Variants in RIN2 observed in about 807,000 individuals in gnomAD.
RIN2 encodes the protein RAB5 interacting protein 2.
A neutral mutation model predicts 78.0 loss-of-function variants in RIN2; 36 were observed. The ratio of observed to expected loss-of-function variants is 0.46; its 90% CI spans 0.35 to 0.61. The LOEUF is 0.61. Among genes scored for constraint, RIN2 ranks in the 20% least tolerant of loss-of-function variants. RIN2 has a pLI of 0.00. For missense variants in RIN2, 1,087 were observed against 1,159.7 expected, an observed-to-expected ratio of 0.94 and a Z score of 0.91; for synonymous variants, 466 against 466.8, an observed-to-expected ratio of 1.00 and a Z score of 0.02.
chr20:19,844,764 T>C (rs1249010777), intron 2 of RIN2, among the ~76,000 whole-genome samples: 2 of 150,708 alleles, frequency 1.3e-5, no homozygotes, highest in Non-Finnish European at 2.9e-5. Flanking sequence ...CTTTAAGTTC[T>C]GGGATACATG....
intron 2 of RIN2, among the ~76,000 whole-genome samples, chr20:19,801,957 A>C (rs2035255609): frequency 6.6e-6 from 1 of 152,218 alleles, no homozygotes; most frequent in African/African-American, 2.4e-5. Context: ...TTCATAAATA[A>C]ATAACTTCAA....
At chr20:19,923,836 G>A (rs1176843646) in intron 3 of RIN2, among the ~76,000 whole-genome samples, 2 of 151,972 alleles carry the variant, frequency 1.3e-5, no homozygotes, top group African/African-American at 2.4e-5. Context: ...GTTGCTTTTT[G>A]GTAAATAGAA....
intron 9 of RIN2, among the ~76,000 whole-genome samples, chr20:19,986,528 C>A (rs916221142): frequency 1.2e-4 from 18 of 152,200 alleles, no homozygotes; most frequent in African/African-American, 3.9e-4. Context: ...TTCCACAGCC[C>A]CTTTTATACC....
At position 19,768,582 on chromosome 20, in the gene RIN2, C is replaced by T. The variant is rs1445819032; in HGVS notation, c.-163+10255C>T. Among the ~76,000 whole-genome samples, 4 of 152,134 alleles carry T rather than the reference C, an allele frequency of 2.6e-5. No individual in the cohort carries two copies. In the East Asian group the frequency reaches 5.8e-4, roughly 22 times the overall value. ...GGACTCTGAAGGCACAGGGACAGGG[C>T]GTGGCAGCATTTGCCAGAGTGGGAT... On this transcript the variant is annotated intron_variant, in intron 1 of 12. Coordinates refer to ENST00000255006, the MANE Select transcript of RIN2 (RefSeq NM_018993.4).
Position 19,975,518 on chromosome 20 carries a change from A to C in RIN2, c.1493A>C (p.Gln498Pro). Residue 498 changes from glutamine to proline, a missense_variant, in exon 9 of 13, where the codon CAG becomes CCG. By Grantham distance (76) the Gln-to-Pro change is moderately conservative. Coordinates refer to ENST00000255006, the MANE Select transcript of RIN2 (RefSeq NM_018993.4). This position sits in a 1 kb window ranked among gnomAD's most constrained non-coding sequence, Gnocchi z 4.9. ...VLPKLVKSQL[Q>P]KVSGVFSSFM... ...CCCAAGCTCGTCAAGTCCCAGCTGC[A>C]GAAGGTGAGCGGGGTGTTCAGCTCC... 1 of 1,614,040 alleles carries C rather than the reference A, an allele frequency of 6.2e-7. No individual in the cohort carries two copies.
intron 12 of RIN2, among the ~76,000 whole-genome samples, chr20:19,998,995 G>A (rs1438559113): frequency 6.6e-6 from 1 of 152,144 alleles, no homozygotes; most frequent in East Asian, 1.9e-4. Context: ...GCTCACCTTG[G>A]AGGTGCATGC....
At chr20:19,803,949 C>T (rs1426397821) in intron 2 of RIN2, among the ~76,000 whole-genome samples, 2 of 152,144 alleles carry the variant, frequency 1.3e-5, no homozygotes, top group Non-Finnish European at 2.9e-5. Context: ...ATTTTATTCT[C>T]TTTATAGCAA....
intron 2 of RIN2, among the ~76,000 whole-genome samples, chr20:19,857,175 C>T (rs1176657823): frequency 6.6e-6 from 1 of 152,088 alleles, no homozygotes; most frequent in Admixed American, 6.5e-5. Flanking sequence ...CTATTAATAG[C>T]AATGTAGATT....
chr20:19,837,991 AG>A (rs1358525518), intron 2 of RIN2, among the ~76,000 whole-genome samples: 11 of 152,194 alleles, frequency 7.2e-5, no homozygotes, highest in Non-Finnish European at 5.9e-5. Flanking sequence ...GACAAGAAAA[AG>A]AAAGTAATTT....
chr20:19,870,126 C>A (rs979747302), intron 2 of RIN2, among the ~76,000 whole-genome samples: 5 of 152,120 alleles, frequency 3.3e-5, no homozygotes, highest in African/African-American at 1.2e-4. Context: ...CTTACTGCAC[C>A]AGTATATACT....
rs529307080 is a variant in RIN2 at position 19,970,914 on chromosome 20, G to T, written c.613G>T (p.Ala205Ser). The change falls in exon 8 of 13, where the codon GCC (alanine) becomes TCC (serine). Residue 205 changes from alanine to serine, a missense_variant. By Grantham distance (99) the Ala-to-Ser change is moderately conservative (BLOSUM62 1). Around this residue, in one of 8 missense-constraint regions of RIN2, gnomAD observed 706 missense variants for 667.5 expected, o/e 1.06. Coordinates refer to ENST00000255006, the MANE Select transcript of RIN2 (RefSeq NM_018993.4). Reference sequence around the variant, plus strand: ...GTCGGAGGCTCAGCTTGAAGAACTGGCCCAGATGGGACTAAGTAAGTGTGT... The same window carrying T: ...GTCGGAGGCTCAGCTTGAAGAACTGTCCCAGATGGGACTAAGTAAGTGTGT... The part of the protein sequence containing the change: ...AKSEAQLEEL[A>S]QMGLNFWSSP... The T allele has an allele frequency of 6.2e-7, 1 of 1,612,570 alleles. No homozygotes were observed. Among genetic ancestry groups the T allele is most frequent in the South Asian group, 1.1e-5 (1 of 90,572 alleles).
At position 19,769,252 on chromosome 20, in the gene RIN2, C is replaced by T. The variant is rs554527680; in HGVS notation, c.-163+10925C>T. Among the ~76,000 whole-genome samples the T allele has an allele frequency of 7.2e-5, 11 of 152,226 alleles. No homozygotes were observed. The East Asian group carries it at 1.9e-3, about 27-fold the overall frequency. On this transcript the variant is annotated intron_variant, in intron 1 of 12. Coordinates refer to ENST00000255006, the MANE Select transcript of RIN2 (RefSeq NM_018993.4). ...GCCGTGCCCGGCCAGCTTTCTGTTT[C>T]TATTATTATTGGCTCTGAGTTCCTT...
intron 4 of RIN2, among the ~76,000 whole-genome samples, chr20:19,936,075 C>T (rs1304752723): frequency 1.3e-5 from 2 of 152,152 alleles, no homozygotes; most frequent in East Asian, 3.8e-4. Flanking sequence ...CAAACCAGCC[C>T]GACTAGTTCC....
chr20:19,917,625 T>G (rs1399214531), intron 3 of RIN2, among the ~76,000 whole-genome samples: 1 of 152,252 alleles, frequency 6.6e-6, no homozygotes, highest in African/African-American at 2.4e-5. Flanking sequence ...CATACATAAG[T>G]GCAGCCACAA....
At position 19,975,762 on chromosome 20, in the gene RIN2, G is replaced by A; in HGVS notation, c.1737G>A (p.Glu579=). The A allele has an allele frequency of 6.2e-7, 1 of 1,611,782 alleles. No homozygotes were observed. The highest frequency in any genetic ancestry group is 8.5e-7 in the Non-Finnish European group (1 of 1,179,118). The stretch of plus-strand genomic sequence containing the variant: ...GCTCGGAGCTGGACCCCCCCATCGA[G>A]TCGCTGATCCCTGAAGACCAAATAG... ...SQSSELDPPI[E]SLIPEDQIDV... The change falls in exon 9 of 13, where the codon GAG becomes GAA. Residue 579 remains glutamate (E), a synonymous_variant. Transcript: ENST00000255006. This position sits in a 1 kb window ranked among gnomAD's most constrained non-coding sequence, Gnocchi z 4.9.
At chr20:19,793,685 A>G (rs2034959166) in intron 1 of RIN2, among the ~76,000 whole-genome samples, 1 of 152,222 alleles carries the variant, frequency 6.6e-6, no homozygotes, top group Admixed American at 6.5e-5. Flanking sequence ...ATCTTGCACA[A>G]AGAAACTTAT....
At chr20:19,794,075 C>T (rs2034973287) in intron 1 of RIN2, among the ~76,000 whole-genome samples, 1 of 152,012 alleles carries the variant, frequency 6.6e-6, no homozygotes, top group African/African-American at 2.4e-5. Context: ...ACCAATTTTA[C>T]TTCCTTTAAG....
At position 19,824,249 on chromosome 20, in the gene RIN2, C is replaced by T. The variant is rs146021614; in HGVS notation, c.-37+24502C>T. On this transcript the variant is annotated intron_variant, in intron 2 of 12. Coordinates refer to ENST00000255006, the MANE Select transcript of RIN2 (RefSeq NM_018993.4). ...GCAGTTTGCTACCACGCCTTATCAG[C>T]GGGAGGCCCCTGTGCCCTTGAGTGA... Among the ~76,000 whole-genome samples the T allele has an allele frequency of 2.1e-3, 321 of 152,276 alleles. 1 individual carries two copies. Among genetic ancestry groups the T allele is most frequent in the African/African-American group, 7.2e-3 (298 of 41,546 alleles).
At chr20:19,994,640 C>A (rs1336867009) in intron 11 of RIN2, among the ~76,000 whole-genome samples, 1 of 152,190 alleles carries the variant, frequency 6.6e-6, no homozygotes, top group Non-Finnish European at 1.5e-5. Flanking sequence ...CCTCCACCCC[C>A]ACAAAGATTG....
Sources: allele counts gnomAD v4.1 joint callset (sites outside exome capture counted in the v4.1 genomes callset), GRCh38; gene constraint gnomAD v4.1.1; regional missense constraint gnomAD v4.1.1; non-coding constraint Gnocchi (gnomAD v3.1); transcripts MANE v1.5; gene names NCBI Gene and HGNC (gene_info 2026-07-23, HGNC 2026-07-21).